Variants in ASTN2 observed in about 807,000 individuals in gnomAD.
ASTN2 encodes the protein astrotactin 2.
A neutral mutation model predicts 139.8 loss-of-function variants in ASTN2; 54 were observed. The ratio of observed to expected loss-of-function variants is 0.39; its 90% CI spans 0.31 to 0.48. The LOEUF (loss-of-function observed/expected upper bound fraction) is 0.48, where lower values mean the gene tolerates loss of function less well. ASTN2 is among the 20% of genes least tolerant of loss of function. ASTN2 has a pLI of 0.95. For synonymous variants in ASTN2, 756 were observed against 719.5 expected (o/e 1.05, Z -0.81); for missense variants, 1,565 against 1,725.1 (o/e 0.91, Z 1.64).
rs534493024 is a variant in ASTN2 at position 116,931,888 on chromosome 9, G to T, written c.1889+43320C>A. On this transcript the variant is annotated intron_variant, in intron 10 of 22. Transcript: ENST00000313400. ...TTAATGAAGAGAAATCCAGGTAAAT[G>T]AACGTAGGGGTAGAGAGAGTAAGCA... Among the ~76,000 whole-genome samples the T allele has an allele frequency of 1.4e-4, 22 of 152,260 alleles. No homozygotes were observed. The South Asian group carries it at 4.1e-3, about 29-fold the overall frequency.
At chr9:117,190,139 G>C (rs1053608214) in intron 3 of ASTN2, among the ~76,000 whole-genome samples, 15 of 152,170 alleles carry the variant, frequency 9.9e-5, no homozygotes, top group African/African-American at 3.4e-4. Flanking sequence ...CCCTTCCAAA[G>C]CAGTTGCTAC....
At chr9:116,739,332 C>G (rs922888188) in intron 13 of ASTN2, among the ~76,000 whole-genome samples, 1 of 152,178 alleles carries the variant, frequency 6.6e-6, no homozygotes, top group African/African-American at 2.4e-5. Flanking sequence ...CTAGACCCTG[C>G]CTACTTACTC....
intron 19 of ASTN2, among the ~76,000 whole-genome samples, chr9:116,556,549 T>C (rs935800154): frequency 2.0e-5 from 3 of 152,216 alleles, no homozygotes; most frequent in African/African-American, 7.2e-5. Context: ...CTGTTTTTAT[T>C]TTGTTTCATA....
chr9:116,502,049 G>A (rs1440582641), intron 19 of ASTN2, among the ~76,000 whole-genome samples: 1 of 152,002 alleles, frequency 6.6e-6, no homozygotes, highest in East Asian at 1.9e-4. Flanking sequence ...CAGGTTTTCT[G>A]GTCATGCAAG....
chr9:117,326,543 G>C (rs1288834251), intron 1 of ASTN2, among the ~76,000 whole-genome samples: 1 of 152,210 alleles, frequency 6.6e-6, no homozygotes, highest in African/African-American at 2.4e-5. Context: ...TCCCATGGTA[G>C]TTGTGGGAGA....
intron 16 of ASTN2, among the ~76,000 whole-genome samples, chr9:116,677,047 T>C (rs113705248): frequency 7.2e-5 from 11 of 152,258 alleles, no homozygotes; most frequent in Non-Finnish European, 1.6e-4. Flanking sequence ...GAAATGATTT[T>C]TTTTAAAGAG....
chr9:116,686,401 T>C (rs1352273478), intron 16 of ASTN2, among the ~76,000 whole-genome samples: 1 of 152,210 alleles, frequency 6.6e-6, no homozygotes, highest in African/African-American at 2.4e-5. Context: ...GTTTATTGTT[T>C]TATCATTGTG....
At chr9:116,537,801 C>T (rs913075856) in intron 19 of ASTN2, among the ~76,000 whole-genome samples, 3 of 152,100 alleles carry the variant, frequency 2.0e-5, no homozygotes, top group Admixed American at 6.5e-5. Context: ...GAGATAGGTA[C>T]TAAGAGTAAT....
rs73519412 is a variant in ASTN2, at chr9:116,736,306, T to C, written c.2397-2783A>G. ...TGTGGTGTTATTTCTCAGCTTGCCT[T>C]TCCCTAAGCATTCACTCAGAAAGTT... On this transcript the variant is annotated intron_variant, in intron 13 of 22. Coordinates refer to ENST00000313400, the MANE Select transcript of ASTN2 (RefSeq NM_001365068.1). 7.8e-3 allele frequency among the ~76,000 whole-genome samples: 1,196 copies of C among 152,366 alleles called. 12 individuals carry two copies. Among genetic ancestry groups the C allele is most frequent in the African/African-American group, 0.026 (1,085 of 41,578 alleles).
At position 117,104,221 on chromosome 9, in the gene ASTN2, T is replaced by A. The variant is rs994376400; in HGVS notation, c.1169-8070A>T. Among the ~76,000 whole-genome samples, 4 of 152,214 alleles carry A rather than the reference T, an allele frequency of 2.6e-5. 1 individual carries two copies. Among genetic ancestry groups the A allele is most frequent in the South Asian group, 4.1e-4 (2 of 4,830 alleles). ...GATAAAATATAGCTAAACCTGATTG[T>A]TTATAATTTCAGGGAAAGAATAAGA... On this transcript the variant is annotated intron_variant, in intron 4 of 22. Transcript: ENST00000313400.
At chr9:117,327,044 C>T (rs1777139885) in intron 1 of ASTN2, among the ~76,000 whole-genome samples, 1 of 152,144 alleles carries the variant, frequency 6.6e-6, no homozygotes, top group African/African-American at 2.4e-5. Flanking sequence ...TAAAACTGCT[C>T]CACCTCATAT....
At chr9:117,354,498 T>C (rs1829481275) in intron 1 of ASTN2, among the ~76,000 whole-genome samples, 1 of 152,212 alleles carries the variant, frequency 6.6e-6, no homozygotes, top group African/African-American at 2.4e-5. Flanking sequence ...AATACTTTCT[T>C]GAGCCATGAA....
chr9:117,358,893 C>A (rs1829620229), intron 1 of ASTN2, among the ~76,000 whole-genome samples: 1 of 152,044 alleles, frequency 6.6e-6, no homozygotes, highest in Non-Finnish European at 1.5e-5. Context: ...TATATCCCAC[C>A]TTTCTGCAAA....
chr9:116,727,336 G>A (rs946851253), intron 15 of ASTN2, among the ~76,000 whole-genome samples: 1 of 152,166 alleles, frequency 6.6e-6, no homozygotes, highest in African/African-American at 2.4e-5. Flanking sequence ...CCAACACTGT[G>A]CCACATCAAA....
Position 116,931,085 on chromosome 9 carries a change from C to T in ASTN2, c.1889+44123G>A, listed in dbSNP as rs570422930. Among the ~76,000 whole-genome samples the T allele has an allele frequency of 5.3e-5, 8 of 152,266 alleles. No homozygotes were observed. The South Asian group carries it at 1.2e-3, about 24-fold the overall frequency. On this transcript the variant is annotated intron_variant, in intron 10 of 22. Transcript: ENST00000313400. ...GCTTATGCAGCTCTCCAACATGCCA[C>T]GTACACTCCCCTGCTCTCCTCTGAG...
At chr9:117,383,169 G>C (rs1209210806) in intron 1 of ASTN2, among the ~76,000 whole-genome samples, 4 of 152,086 alleles carry the variant, frequency 2.6e-5, no homozygotes, top group Non-Finnish European at 5.9e-5. Context: ...TTCTTCTTTT[G>C]ATTTTCTTTC....
At chr9:116,701,174 G>C (rs1460685852) in intron 16 of ASTN2, 1 of 167,102 alleles carries the variant, frequency 6.0e-6, no homozygotes, top group Admixed American at 6.5e-5. Flanking sequence ...GCCTTACTTT[G>C]ATGTAAACAA....
intron 12 of ASTN2, among the ~76,000 whole-genome samples, chr9:116,819,938 G>T (rs899670823): frequency 1.3e-5 from 2 of 152,156 alleles, no homozygotes; most frequent in African/African-American, 4.8e-5. Context: ...TTTCACAGAT[G>T]GTCAAACTGT....
chr9:116,524,060 A>C (rs1317026676), intron 19 of ASTN2, among the ~76,000 whole-genome samples: 1 of 152,174 alleles, frequency 6.6e-6, no homozygotes, highest in African/African-American at 2.4e-5. Context: ...GGACTGAACT[A>C]TATCTTGCCC....
Sources: gnomAD v4.1 joint callset for allele counts (sites outside exome capture counted in the v4.1 genomes callset) on GRCh38, gnomAD v4.1.1 for gene constraint, MANE v1.5 for transcripts, NCBI Gene and HGNC (gene_info 2026-07-23, HGNC 2026-07-21) for gene names.